The following TCF24 variants were observed in gnomAD, a reference collection of about 807,000 sequenced individuals.
TCF24 encodes transcription factor 24.
In TCF24, 5 loss-of-function variants were observed where a neutral mutation model predicts 9.3. The ratio of observed to expected loss-of-function variants is 0.54; its 90% CI spans 0.28 to 1.13. The LOEUF is 1.13. Among genes scored for constraint, TCF24 ranks in the 50% most tolerant of loss-of-function variants. The probability of loss-of-function intolerance (pLI) is 0.09; values close to 1 mark genes in which losing one functional copy is unlikely to be tolerated. For missense variants in TCF24, 220 were observed against 236.1 expected (o/e 0.93, Z 0.45); for synonymous variants, 110 against 115.8 (o/e 0.95, Z 0.32).
chr8:66,947,983 T>C lies in TCF24; in HGVS notation c.*68A>G. The C allele has an allele frequency of 8.7e-7, 1 of 1,147,538 alleles. No homozygotes were observed. The highest frequency in any genetic ancestry group is 1.2e-6 in the Non-Finnish European group (1 of 839,472). 71.1% of individuals were successfully genotyped at this position (1,147,538 alleles called of 1,614,324 possible). On this transcript the variant is annotated 3_prime_UTR_variant, in exon 4 of 4. Coordinates refer to ENST00000563496, the MANE Select transcript of TCF24 (RefSeq NM_001193502.2). Reference sequence around the variant, plus strand: ...ATTTTGTTATGTCTCATATAATAAATATAGAATTATGTCATAGTATTTAAA... The same window carrying C: ...ATTTTGTTATGTCTCATATAATAAACATAGAATTATGTCATAGTATTTAAA...
At chr8:66,961,226 A>AC in intron 3 of TCF24, 150 bp downstream of exon 3, 1 of 1,127,000 alleles carries the variant, frequency 8.9e-7, no homozygotes, top group Non-Finnish European at 1.2e-6. Flanking sequence ...CCTTGCCACC[A>AC]GTACCCTCGC....
At chr8:66,956,875 T>TA (rs1814162744) in intron 3 of TCF24, among the ~76,000 whole-genome samples, 1 of 151,944 alleles carries the variant, frequency 6.6e-6, no homozygotes, top group African/African-American at 2.4e-5. Flanking sequence ...TAAAAAGAGT[T>TA]AGATTAGCTC....
At chr8:66,953,662 G>C (rs968669999) in intron 3 of TCF24, among the ~76,000 whole-genome samples, 6 of 152,056 alleles carry the variant, frequency 3.9e-5, no homozygotes, top group Non-Finnish European at 8.8e-5. Context: ...GATTGGGGAA[G>C]TTCTCCTGGA....
chr8:66,949,120 ATACTT>A (rs1356275700), intron 3 of TCF24, among the ~76,000 whole-genome samples: 1 of 147,130 alleles, frequency 6.8e-6, no homozygotes, highest in African/African-American at 2.5e-5. Context: ...TTTTTTTATT[ATACTT>A]TAAGTTTTAG....
chr8:66,961,648 C>G lies in TCF24; in HGVS notation c.118G>C (p.Gly40Arg). The G allele has an allele frequency of 8.3e-7, 1 of 1,202,184 alleles. No homozygotes were observed. The highest frequency in any genetic ancestry group is 1.0e-6 in the Non-Finnish European group (1 of 971,534). The allele number at this position is 1,202,184 out of a possible 1,614,324, so 74.5% of individuals were successfully genotyped here. A position where few individuals can be genotyped will look rare whatever the true frequency, so the allele number is the denominator to read the frequency against. ...GRTGPGPAGPGGGSRSGSGRP... is the reference protein window; with the variant it reads ...GRTGPGPAGPRGGSRSGSGRP... ...CCGCTCCCGGAACGCGAGCCGCCCCCAGGGCCCGCCGGCCCCGGCCCGGTC... is the reference window on the plus strand; with the variant it reads ...CCGCTCCCGGAACGCGAGCCGCCCCGAGGGCCCGCCGGCCCCGGCCCGGTC... Residue 40 changes from glycine (G) to arginine (R), a missense_variant, in exon 3 of 4, where the codon GGG becomes CGG. Transcript: ENST00000563496.
intron 3 of TCF24, among the ~76,000 whole-genome samples, chr8:66,954,232 A>C (rs536198054): frequency 2.0e-4 from 29 of 148,096 alleles, no homozygotes; most frequent in Admixed American, 2.0e-4. Flanking sequence ...GGTTTTATCT[A>C]CTTTTGGTCT....
intron 3 of TCF24, among the ~76,000 whole-genome samples, chr8:66,959,119 T>C (rs1814214401): frequency 6.6e-6 from 1 of 152,248 alleles, no homozygotes; most frequent in African/African-American, 2.4e-5. Context: ...CACAGCCACC[T>C]AATTTTTAAA....
At chr8:66,951,518 A>T (rs570784006) in intron 3 of TCF24, among the ~76,000 whole-genome samples, 1 of 151,994 alleles carries the variant, frequency 6.6e-6, no homozygotes, top group Non-Finnish European at 1.5e-5. Flanking sequence ...GGATTTTTGC[A>T]TCAATGTTCA....
chr8:66,951,818 C>G (rs1309774279), intron 3 of TCF24, among the ~76,000 whole-genome samples: 6 of 151,780 alleles, frequency 4.0e-5, no homozygotes, highest in Non-Finnish European at 5.9e-5. Flanking sequence ...CTGGTTTAGT[C>G]TTGGGAGAGT....
At chr8:66,955,309 G>A (rs961880282) in intron 3 of TCF24, among the ~76,000 whole-genome samples, 1 of 151,732 alleles carries the variant, frequency 6.6e-6, no homozygotes, top group Admixed American at 6.6e-5. Flanking sequence ...AGGGAGGCAG[G>A]TGTCATATAA....
rs891384361 is a variant in TCF24, at chr8:66,952,576, T to A, written c.391-4412A>T. Among the ~76,000 whole-genome samples the A allele has an allele frequency of 7.6e-4, 116 of 151,788 alleles. 1 individual carries two copies. The highest frequency in any genetic ancestry group is 2.7e-3 in the African/African-American group (110 of 41,348). On this transcript the variant is annotated intron_variant, in intron 3 of 3. Transcript: ENST00000563496. ...CTGAAAAAAATGCATATTCTGTTGA[T>A]TTGGGGTGGAGAGTTCTGTAGATGT... is the stretch of plus-strand genomic sequence containing the variant.
In TCF24 at chr8:66,961,487, C is replaced by T. The variant is rs1217813245; in HGVS notation, c.279G>A (p.Leu93=). 21 of 1,527,224 alleles carry T rather than the reference C, an allele frequency of 1.4e-5. No homozygotes were observed. Among genetic ancestry groups the T allele is most frequent in the Admixed American group, 2.0e-5 (1 of 50,480 alleles). The allele number at this position is 1,527,224 out of a possible 1,614,324, so 94.6% of individuals were successfully genotyped here. The change falls in exon 3 of 4, where the codon CTG becomes CTA. Residue 93 remains leucine, a synonymous_variant. Transcript: ENST00000563496. ...TKLSKLDVLL[L]ATTYIAHLTR... ...TGAGATGCGCGATGTAGGTGGTGGC[C>T]AGCAGCAGCACGTCCAGCTTGGACA...
rs1177793549 is a variant in TCF24, at chr8:66,957,107, G to A, written c.390+4269C>T. Reference sequence around the variant, plus strand: ...TAGCCTGACGACAGAGCAAGACTCCGTCTCAAAAAAAAAAAAAAAAAAAAA... The same window carrying A: ...TAGCCTGACGACAGAGCAAGACTCCATCTCAAAAAAAAAAAAAAAAAAAAA... On this transcript the variant is annotated intron_variant, in intron 3 of 3. Coordinates refer to ENST00000563496, the MANE Select transcript of TCF24 (RefSeq NM_001193502.2). 1.4e-4 allele frequency among the ~76,000 whole-genome samples: 12 copies of A among 86,096 alleles called. No individual in the cohort carries two copies. In the South Asian group the frequency reaches 1.9e-3, roughly 14 times the overall value. 56.5% of individuals were successfully genotyped at this position (86,096 alleles called of 152,430 possible).
chr8:66,948,748 T>G (rs1289736438), intron 3 of TCF24, among the ~76,000 whole-genome samples: 3 of 152,188 alleles, frequency 2.0e-5, no homozygotes, highest in Non-Finnish European at 4.4e-5. Context: ...CAGGCTGGAG[T>G]GCAGTGGCAC....
At chr8:66,960,835 C>T (rs984685207) in intron 3 of TCF24, among the ~76,000 whole-genome samples, 6 of 152,076 alleles carry the variant, frequency 3.9e-5, no homozygotes, top group African/African-American at 1.4e-4. Flanking sequence ...TTTATTTAAA[C>T]GGACAAATTT....
At chr8:66,954,281 G>A (rs1018781829) in intron 3 of TCF24, among the ~76,000 whole-genome samples, 1 of 151,336 alleles carries the variant, frequency 6.6e-6, no homozygotes. Flanking sequence ...TGGTGTGGAT[G>A]TCCTTTCTGT....
chr8:66,957,922 AAAGAATT>A (rs1446319010), intron 3 of TCF24, among the ~76,000 whole-genome samples: 22 of 151,202 alleles, frequency 1.5e-4, no homozygotes, highest in African/African-American at 5.1e-4. Flanking sequence ...AAAAAAAAAA[AAAGAATT>A]GCTCTAAATC....
Position 66,961,685 on chromosome 8 carries a change from C to T in TCF24, c.81G>A (p.Ser27=). The part of the protein sequence containing the change: ...PAPLAAAIRD[S]RPGRTGPGPA... Reference sequence around the variant, plus strand: ...GCCCCGGCCCGGTCCGCCCGGGACGCGAGTCGCGGATGGCGGCGGCCAGGG... The same window carrying T: ...GCCCCGGCCCGGTCCGCCCGGGACGTGAGTCGCGGATGGCGGCGGCCAGGG... Residue 27 remains serine (S), a synonymous_variant, in exon 3 of 4, where the codon TCG becomes TCA. Transcript: ENST00000563496. 3 of 1,102,544 alleles carry T rather than the reference C, an allele frequency of 2.7e-6. No individual in the cohort carries two copies. The highest frequency in any genetic ancestry group is 3.3e-6 in the Non-Finnish European group (3 of 906,464). The allele number at this position is 1,102,544 out of a possible 1,614,324, so 68.3% of individuals were successfully genotyped here.
At chr8:66,951,406 G>A (rs868452492) in intron 3 of TCF24, among the ~76,000 whole-genome samples, 4,138 of 141,420 alleles carry the variant, frequency 0.029, 118 homozygotes, top group African/African-American at 0.068. Flanking sequence ...ATTGATTTGC[G>A]TATATTGAAC....
Sources: gnomAD v4.1 joint callset for allele counts (sites outside exome capture counted in the v4.1 genomes callset) on GRCh38, gnomAD v4.1.1 for gene constraint, MANE v1.5 for transcripts, NCBI Gene and HGNC (gene_info 2026-07-23, HGNC 2026-07-21) for gene names.